Variants in LPIN2 observed in about 807,000 individuals in gnomAD.
The protein encoded by LPIN2 is phosphatidate phosphatase LPIN2.
LPIN2 carries 55 observed loss-of-function variants against 111.4 expected under a neutral mutation model. The ratio of observed to expected loss-of-function variants is 0.49; its 90% CI spans 0.40 to 0.62. The LOEUF (loss-of-function observed/expected upper bound fraction) is 0.62, where lower values mean the gene tolerates loss of function less well. Among genes scored for constraint, LPIN2 ranks in the 20% least tolerant of loss-of-function variants. LPIN2 has a pLI of 0.00. For missense variants in LPIN2, 992 were observed against 1,112.1 expected, an observed-to-expected ratio of 0.89 and a Z score of 1.54; for synonymous variants, 425 against 414.0, an observed-to-expected ratio of 1.03 and a Z score of -0.32.
chr18:3,011,603 C>G (rs1326996959), intron 1 of LPIN2: 2 of 152,246 alleles, frequency 1.3e-5, no homozygotes, highest in East Asian at 1.9e-4. Context: ...ACAAGAATCG[C>G]TTTAACAGAG....
In LPIN2 at chr18:2,934,390, C is replaced by G; in HGVS notation, c.1229G>C (p.Gly410Ala). The G allele has an allele frequency of 6.2e-7, 1 of 1,613,808 alleles. No homozygotes were observed. The highest frequency in any genetic ancestry group is 1.1e-5 in the South Asian group (1 of 91,064). The change falls in exon 8 of 20, where the codon GGT (glycine) becomes GCT (alanine). Residue 410 changes from glycine to alanine, a missense_variant. Gly to Ala is a moderately conservative substitution (Grantham distance 60, BLOSUM62 0). Coordinates refer to ENST00000677752, the MANE Select transcript of LPIN2 (RefSeq NM_001375808.2). ...AAGAGCTGCAACTTCAGGTTCTAGA[C>G]CCTTTAAGTCATCAAGGTAAATATC... ...PDDIYLDDLK[G>A]LEPEVAALYF...
intron 1 of LPIN2, among the ~76,000 whole-genome samples, chr18:3,012,560 G>A (rs893323973): frequency 6.6e-6 from 1 of 152,210 alleles, no homozygotes; most frequent in African/African-American, 2.4e-5. Flanking sequence ...CGGAGGTACG[G>A]GGCAAAGCGC....
intron 7 of LPIN2, 101 bp downstream of exon 7, chr18:2,937,591 G>T: frequency 2.3e-6 from 2 of 864,836 alleles, no homozygotes; most frequent in Non-Finnish European, 3.7e-6. Flanking sequence ...GTTTCGACTG[G>T]TGAATACAAA....
rs761121515 is a variant in LPIN2 at position 2,988,012 on chromosome 18, CAAAAAAAAAA to C, written c.-10+25065_-10+25074del. Among the ~76,000 whole-genome samples the C allele has an allele frequency of 1.2e-4, 4 of 32,344 alleles. No homozygotes were observed. In the Admixed American group the frequency reaches 1.5e-3, roughly 12 times the overall value. The allele number at this position is 32,344 out of a possible 152,430, so 21.2% of individuals were successfully genotyped here. ...TGGGCGACAGAGTGAGAGACTGTCT[CAAAAAAAAAA>C]AAAAAAAAAAAAAAAAGAATCATCA... On this transcript the variant is annotated intron_variant, in intron 1 of 19. Coordinates refer to ENST00000677752, the MANE Select transcript of LPIN2 (RefSeq NM_001375808.2).
chr18:2,972,792 A>T (rs1238596719), intron 1 of LPIN2, among the ~76,000 whole-genome samples: 1 of 152,180 alleles, frequency 6.6e-6, no homozygotes, highest in African/African-American at 2.4e-5. Context: ...CTGTTCCCAC[A>T]TTTCTCTTTA....
chr18:2,942,597 T>C (rs1254861296), intron 4 of LPIN2, among the ~76,000 whole-genome samples: 2 of 152,214 alleles, frequency 1.3e-5, no homozygotes, highest in African/African-American at 4.8e-5. Context: ...AGCGATCAGG[T>C]ACCACCTGAA....
At chr18:3,008,216 T>C (rs907339646) in intron 1 of LPIN2, among the ~76,000 whole-genome samples, 1 of 152,152 alleles carries the variant, frequency 6.6e-6, no homozygotes, top group Non-Finnish European at 1.5e-5. Flanking sequence ...CCAAGGTGGG[T>C]GGATCACTTG....
At chr18:2,960,540 T>A in intron 2 of LPIN2, 109 bp downstream of exon 2, 3 of 1,075,704 alleles carry the variant, frequency 2.8e-6, no homozygotes, top group Non-Finnish European at 4.2e-6. Flanking sequence ...CCTAGAAAAC[T>A]CACAATAGCG....
At position 2,969,658 on chromosome 18, in the gene LPIN2, T is replaced by C. The variant is rs193237541; in HGVS notation, c.-9-8809A>G. Among the ~76,000 whole-genome samples the C allele has an allele frequency of 2.6e-5, 4 of 152,276 alleles. No individual in the cohort carries two copies. In the East Asian group the frequency reaches 7.7e-4, roughly 29 times the overall value. ...TGCAATAGAAGCAAGTTTTGGTGCTTAAGAATGTAGGTTCATTCATGAAAA... is the reference window on the plus strand; with the variant it reads ...TGCAATAGAAGCAAGTTTTGGTGCTCAAGAATGTAGGTTCATTCATGAAAA... On this transcript the variant is annotated intron_variant, in intron 1 of 19. Transcript: ENST00000677752.
At chr18:2,943,960 C>T (rs1202809213) in intron 4 of LPIN2, among the ~76,000 whole-genome samples, 2 of 151,958 alleles carry the variant, frequency 1.3e-5, no homozygotes, top group Admixed American at 6.6e-5. Context: ...GTAAGAATTC[C>T]GCAAATGCCA....
intron 1 of LPIN2, among the ~76,000 whole-genome samples, chr18:2,994,590 C>T (rs947129511): frequency 1.3e-5 from 2 of 152,200 alleles, no homozygotes; most frequent in South Asian, 2.1e-4. Context: ...TCCATCCCCT[C>T]GAACATTTAT....
At chr18:3,010,221 G>C (rs16944197) in intron 1 of LPIN2, among the ~76,000 whole-genome samples, 3,071 of 151,102 alleles carry the variant, frequency 0.02, 107 homozygotes, top group African/African-American at 0.07. Context: ...GATTCAAGCT[G>C]ACAGCAGGGG....
At chr18:2,968,125 A>G (rs2077837470) in intron 1 of LPIN2, among the ~76,000 whole-genome samples, 1 of 152,140 alleles carries the variant, frequency 6.6e-6, no homozygotes, top group Admixed American at 6.5e-5. Flanking sequence ...GCGACTGGTC[A>G]AAGTGTTCTC....
chr18:2,937,665 C>T (rs1428715799), intron 7 of LPIN2, 27 bp downstream of exon 7: 2 of 1,585,040 alleles, frequency 1.3e-6, no homozygotes, highest in South Asian at 1.1e-5. Flanking sequence ...TTGAGAGTAC[C>T]TGGAGCCAAA....
chr18:2,951,868 T>C (rs1484068408), intron 3 of LPIN2, among the ~76,000 whole-genome samples: 1 of 152,178 alleles, frequency 6.6e-6, no homozygotes, highest in Non-Finnish European at 1.5e-5. Context: ...GCCAAATTAA[T>C]TGGAGAAAGG....
At chr18:2,939,723 A>C (rs750288427) in intron 5 of LPIN2, 120 bp from the exon 6 acceptor site, 4 of 1,053,190 alleles carry the variant, frequency 3.8e-6, no homozygotes, top group Non-Finnish European at 5.6e-6. Flanking sequence ...ATATATAAAA[A>C]CTCTATGGAA....
At chr18:2,969,560 C>T (rs893431921) in intron 1 of LPIN2, among the ~76,000 whole-genome samples, 3 of 152,090 alleles carry the variant, frequency 2.0e-5, no homozygotes, top group African/African-American at 7.2e-5. Context: ...TTCTTTTTCC[C>T]CACTAAATGA....
chr18:2,937,056 C>T (rs1376189669), intron 7 of LPIN2, among the ~76,000 whole-genome samples: 2 of 152,182 alleles, frequency 1.3e-5, no homozygotes, highest in Non-Finnish European at 2.9e-5. Context: ...GATTCTACTT[C>T]ACTTTACTGA....
chr18:2,963,160 C>T (rs1167654054), intron 1 of LPIN2, among the ~76,000 whole-genome samples: 1 of 152,182 alleles, frequency 6.6e-6, no homozygotes, highest in Non-Finnish European at 1.5e-5. Context: ...TAAAGGGAGG[C>T]CTGTAGCTTA....
Sources: allele counts gnomAD v4.1 joint callset (sites outside exome capture counted in the v4.1 genomes callset), GRCh38; gene constraint gnomAD v4.1.1; transcripts MANE v1.5; gene names NCBI Gene and HGNC (gene_info 2026-07-23, HGNC 2026-07-21).